PLD4: variants seen among roughly 807,000 people sequenced by gnomAD.
PLD4 encodes 5'-3' exonuclease PLD4.
A neutral mutation model predicts 52.3 loss-of-function variants in PLD4; 54 were observed. The ratio of observed to expected loss-of-function variants is 1.03; its 90% CI spans 0.83 to 1.30. The LOEUF (loss-of-function observed/expected upper bound fraction) is 1.30. PLD4 is among the 50% of genes most tolerant of loss of function. The pLI, the probability that PLD4 is intolerant of heterozygous loss-of-function variation, is 0.00. For missense variants in PLD4, 731 were observed against 671.1 expected (o/e 1.09, Z -0.99); for synonymous variants, 264 against 286.5 (o/e 0.92, Z 0.79).
downstream of PLD4, chr14:104,934,469 C>T (rs951168946): frequency 2.8e-5 from 4 of 145,448 alleles, no homozygotes; most frequent in Non-Finnish European, 4.7e-5. Context: ...TCTCAAAACA[C>T]CCTGGCTTAT....
chr14:104,931,042 GC>G, intron 7 of PLD4, 100 bp downstream of exon 7: 3 of 1,367,822 alleles, frequency 2.2e-6, no homozygotes, highest in Non-Finnish European at 3.1e-6. Flanking sequence ...GACACCAGCA[GC>G]ATCAGCTGGG....
intron 4 of PLD4, 79 bp downstream of exon 4, chr14:104,929,011 G>T: frequency 6.7e-7 from 1 of 1,491,486 alleles, no homozygotes; most frequent in South Asian, 1.3e-5. Flanking sequence ...CAGGCGTCTC[G>T]GGCACCAGGC....
chr14:104,930,625 G>C, intron 6 of PLD4, 117 bp from the exon 7 acceptor site: 1 of 1,077,332 alleles, frequency 9.3e-7, no homozygotes, highest in Non-Finnish European at 1.4e-6. Context: ...CTTCCCGCAA[G>C]TGGGGACCAG....
Position 104,927,237 on chromosome 14 carries a change from C to G in PLD4, c.90+7C>G. The G allele has an allele frequency of 6.5e-7, 1 of 1,536,664 alleles. No individual in the cohort carries two copies. The highest frequency in any genetic ancestry group is 8.8e-7 in the Non-Finnish European group (1 of 1,140,696). ...GGACAGAGAGGCTGGCACGGTAGGA[C>G]TGGGGGGCCCCAGGGGGGAGGTGGC... On this transcript the variant is annotated splice_region_variant and intron_variant, in intron 2 of 10. Coordinates refer to ENST00000392593, the MANE Select transcript of PLD4 (RefSeq NM_138790.5).
downstream of PLD4, chr14:104,934,656 T>G (rs1189291394): frequency 1.3e-5 from 2 of 152,224 alleles, no homozygotes; most frequent in African/African-American, 4.8e-5. Context: ...TTTCCTACCC[T>G]TCTCTACTTC....
chr14:104,933,393 G>A (rs963896122), downstream of PLD4: 1 of 158,850 alleles, frequency 6.3e-6, no homozygotes, highest in African/African-American at 2.4e-5. Flanking sequence ...GGGCGGGGCG[G>A]GGACCAGACG....
Position 104,932,437 on chromosome 14 carries a change from G to A in PLD4, c.1321+82G>A. On this transcript the variant is annotated intron_variant, in intron 10 of 10. Transcript: ENST00000392593. This position sits in a 1 kb window ranked among gnomAD's most constrained non-coding sequence, Gnocchi z 6.5. ...GAGGCACTGGCTTTGTGACCGGCGT[G>A]GACACCTCAGGAGGGAGGGGCTGCT... 6.9e-7 allele frequency: 1 copy of A among 1,446,848 alleles called. No homozygotes were observed. The highest frequency in any genetic ancestry group is 9.6e-7 in the Non-Finnish European group (1 of 1,039,426). The allele number at this position is 1,446,848 out of a possible 1,614,324, so 89.6% of individuals were successfully genotyped here. A position where few individuals can be genotyped will look rare whatever the true frequency, so the allele number is the denominator to read the frequency against.
intron 2 of PLD4, 108 bp from the exon 3 acceptor site, chr14:104,927,565 C>G (rs1209589328): frequency 1.6e-6 from 2 of 1,264,138 alleles, no homozygotes; most frequent in African/African-American, 3.0e-5. Context: ...CAGCCCAGGT[C>G]CGGGAAGTCA....
chr14:104,928,408 G>A (rs368943937), intron 3 of PLD4, among the ~76,000 whole-genome samples: 1 of 152,164 alleles, frequency 6.6e-6, no homozygotes, highest in African/African-American at 2.4e-5. Context: ...TACTCTGCCC[G>A]GCTTCAGGAG....
downstream of PLD4, chr14:104,933,278 C>T: frequency 3.4e-6 from 1 of 293,284 alleles, no homozygotes; most frequent in Non-Finnish European, 6.3e-6. Context: ...GCCCTTCATC[C>T]TCTTGCCAAG....
Sources: allele counts gnomAD v4.1 joint callset (sites outside exome capture counted in the v4.1 genomes callset), GRCh38; gene constraint gnomAD v4.1.1; non-coding constraint Gnocchi (gnomAD v3.1); transcripts MANE v1.5; gene names NCBI Gene and HGNC (gene_info 2026-07-23, HGNC 2026-07-21).